SYN3: variants seen among roughly 807,000 people sequenced by gnomAD.
The protein encoded by SYN3 is synapsin-3.
Under a neutral mutation model 65.8 loss-of-function variants are expected in SYN3, and 35 were observed. The ratio of observed to expected loss-of-function variants is 0.53; its 90% CI spans 0.41 to 0.70. The LOEUF is 0.70. Among genes scored for constraint, SYN3 ranks in the 30% least tolerant of loss-of-function variants. The probability of loss-of-function intolerance (pLI) is 0.00; values close to 1 mark genes in which losing one functional copy is unlikely to be tolerated. For synonymous variants in SYN3, 270 were observed against 292.9 expected (o/e 0.92, Z 0.80); for missense variants, 680 against 749.0 (o/e 0.91, Z 1.08).
chr22:32,868,836 G>C, intron 5 of SYN3, 130 bp downstream of exon 5: 1 of 640,910 alleles, frequency 1.6e-6, no homozygotes, highest in Non-Finnish European at 2.4e-6. Flanking sequence ...TAGGATCCAA[G>C]TTCAGTTCAG....
At chr22:32,935,147 AT>A (rs1239428946) in intron 3 of SYN3, among the ~76,000 whole-genome samples, 1 of 152,218 alleles carries the variant, frequency 6.6e-6, no homozygotes, top group East Asian at 1.9e-4. Flanking sequence ...AACTTTGGGA[AT>A]TGAATGCAAT....
chr22:32,820,353 CGTGTGTGT>C (rs35230068), intron 6 of SYN3, among the ~76,000 whole-genome samples: 3 of 141,694 alleles, frequency 2.1e-5, no homozygotes, highest in Admixed American at 7.1e-5. Context: ...CATTCCACTG[CGTGTGTGT>C]GTGTGTGTGT....
In SYN3 at chr22:32,870,373, TCTA is replaced by T. The variant is rs554244710; in HGVS notation, c.462-1251_462-1249del. Among the ~76,000 whole-genome samples the T allele has an allele frequency of 2.0e-4, 31 of 152,306 alleles. No homozygotes were observed. In the East Asian group the frequency reaches 4.0e-3, roughly 20 times the overall value. ...TAATAATATAGTGTATATATTTTTC[TCTA>T]CTACCAAAAATATCTTCTAAAATAT... On this transcript the variant is annotated intron_variant, in intron 4 of 13. Coordinates refer to ENST00000358763, the MANE Select transcript of SYN3 (RefSeq NM_003490.4).
intron 5 of SYN3, among the ~76,000 whole-genome samples, chr22:32,868,280 GTT>G (rs1207222696): frequency 2.0e-5 from 3 of 150,810 alleles, no homozygotes; most frequent in African/African-American, 7.3e-5. Flanking sequence ...ATAATAACAT[GTT>G]TTGTTATTAT....
At chr22:32,598,524 C>G (rs1162686526) in intron 6 of SYN3, among the ~76,000 whole-genome samples, 1 of 152,110 alleles carries the variant, frequency 6.6e-6, no homozygotes, top group Non-Finnish European at 1.5e-5. Flanking sequence ...CTCACTCTTT[C>G]GCTCAGGCTG....
At chr22:32,825,615 GC>G (rs1234808854) in intron 6 of SYN3, among the ~76,000 whole-genome samples, 1 of 117,782 alleles carries the variant, frequency 8.5e-6, no homozygotes, top group Non-Finnish European at 1.6e-5. Flanking sequence ...CCGAGATCAT[GC>G]CACTGCACTC....
chr22:32,650,310 A>C lies in SYN3; in HGVS notation c.712-53574T>G, dbSNP rs181595928. ...GAGACAGAGTCTCACTCTATCACCC[A>C]GGCTGGAGTGCAGTGGAGCGATCAC... is the stretch of plus-strand genomic sequence containing the variant. On this transcript the variant is annotated intron_variant, in intron 6 of 13. Transcript: ENST00000358763. Among the ~76,000 whole-genome samples, 338 of 127,808 alleles carry C rather than the reference A, an allele frequency of 2.6e-3. 3 individuals carry two copies. Among genetic ancestry groups the C allele is most frequent in the African/African-American group, 9.2e-3 (310 of 33,828 alleles). 83.8% of individuals were successfully genotyped at this position (127,808 alleles called of 152,430 possible). A position where few individuals can be genotyped will look rare whatever the true frequency, so the allele number is the denominator to read the frequency against.
At chr22:32,701,982 T>G (rs2060816144) in intron 6 of SYN3, among the ~76,000 whole-genome samples, 1 of 152,252 alleles carries the variant, frequency 6.6e-6, no homozygotes, top group South Asian at 2.1e-4. Flanking sequence ...GTGTGTGATT[T>G]AAGTATTTTC....
At chr22:32,975,825 C>A (rs1043061670) in intron 3 of SYN3, among the ~76,000 whole-genome samples, 4 of 152,236 alleles carry the variant, frequency 2.6e-5, no homozygotes, top group Non-Finnish European at 1.5e-5. Context: ...GTATTTATTT[C>A]TATCAAGTAA....
chr22:32,946,294 A>AAT (rs2051107227), intron 3 of SYN3, among the ~76,000 whole-genome samples: 5 of 152,202 alleles, frequency 3.3e-5, no homozygotes, highest in Non-Finnish European at 5.9e-5. Flanking sequence ...AACCAACCCA[A>AAT]ATGTCCATCA....
intron 6 of SYN3, among the ~76,000 whole-genome samples, chr22:32,806,794 A>G (rs917688640): frequency 6.6e-6 from 1 of 152,136 alleles, no homozygotes. Context: ...TCATCTATCT[A>G]TCTATCTCTC....
At chr22:32,802,171 G>T in intron 6 of SYN3, 2 of 1,551,260 alleles carry the variant, frequency 1.3e-6, no homozygotes, top group Non-Finnish European at 1.7e-6. Context: ...AGCCAGGACT[G>T]CAGCGCTGCT....
At chr22:32,842,396 A>T (rs1028784693) in intron 6 of SYN3, among the ~76,000 whole-genome samples, 2 of 152,108 alleles carry the variant, frequency 1.3e-5, no homozygotes, top group Non-Finnish European at 2.9e-5. Flanking sequence ...TCTCACCTAG[A>T]CATCATCAAA....
chr22:32,605,577 A>G (rs536779816), intron 6 of SYN3, among the ~76,000 whole-genome samples: 25 of 152,162 alleles, frequency 1.6e-4, no homozygotes, highest in Non-Finnish European at 3.2e-4. Context: ...TCCATTTTAC[A>G]TACATGGAAA....
intron 6 of SYN3, among the ~76,000 whole-genome samples, chr22:32,631,698 A>C (rs1054963797): frequency 6.6e-6 from 1 of 152,160 alleles, no homozygotes; most frequent in Non-Finnish European, 1.5e-5. Context: ...CTTTACATTC[A>C]ATATCTCATT....
intron 3 of SYN3, among the ~76,000 whole-genome samples, chr22:32,945,002 TCAAGGA>T (rs2051060696): frequency 6.6e-6 from 1 of 152,154 alleles, no homozygotes; most frequent in African/African-American, 2.4e-5. Context: ...AAGGATCTCT[TCAAGGA>T]GAACTACAAA....
chr22:32,863,437 A>C (rs2048603396), intron 6 of SYN3, among the ~76,000 whole-genome samples: 1 of 152,170 alleles, frequency 6.6e-6, no homozygotes, highest in Non-Finnish European at 1.5e-5. Context: ...CCTTGATGTC[A>C]ACTGCCTGCT....
At chr22:32,966,790 C>T (rs1183081796) in intron 3 of SYN3, among the ~76,000 whole-genome samples, 1 of 152,100 alleles carries the variant, frequency 6.6e-6, no homozygotes, top group African/African-American at 2.4e-5. Flanking sequence ...GTGGTGCGCA[C>T]CTGTCATCGC....
intron 6 of SYN3, among the ~76,000 whole-genome samples, chr22:32,829,435 C>T (rs567651546): frequency 2.0e-4 from 30 of 152,344 alleles, no homozygotes; most frequent in African/African-American, 5.3e-4. Flanking sequence ...GTGGGGTCCC[C>T]GGGCCTTCGG....
Sources: allele counts gnomAD v4.1 joint callset (sites outside exome capture counted in the v4.1 genomes callset), GRCh38; gene constraint gnomAD v4.1.1; transcripts MANE v1.5; gene names NCBI Gene and HGNC (gene_info 2026-07-23, HGNC 2026-07-21).